ANKS1B: variants seen among roughly 807,000 people sequenced by gnomAD.
The protein encoded by ANKS1B is ankyrin repeat and sterile alpha motif domain containing 1B, also known as ankyrin repeat and sterile alpha motif domain-containing protein 1B.
Under a neutral mutation model 148.3 loss-of-function variants are expected in ANKS1B, and 36 were observed. The ratio of observed to expected loss-of-function variants is 0.24; its 90% confidence interval spans 0.19 to 0.32. ANKS1B has a LOEUF of 0.32. Among genes scored for constraint, ANKS1B ranks in the 10% least tolerant of loss-of-function variants. The pLI is 1.00. For synonymous variants in ANKS1B, 542 were observed against 560.8 expected, an observed-to-expected ratio of 0.97 and a Z score of 0.47; for missense variants, 1,157 against 1,542.6, an observed-to-expected ratio of 0.75 and a Z score of 4.19.
rs1293323964 is a variant in ANKS1B, at chr12:98,771,535, G to GCA, written c.3579+1506_3579+1507insTG. Among the ~76,000 whole-genome samples, 9 of 152,198 alleles carry GCA rather than the reference G, an allele frequency of 5.9e-5. No individual in the cohort carries two copies. The East Asian group carries it at 1.7e-3, about 29-fold the overall frequency. On this transcript the variant is annotated intron_variant, in intron 25 of 26. Transcript: ENST00000683438. The stretch of plus-strand genomic sequence containing the variant: ...GTCACCTGGGCTAGATGGCAGTGGT[G>GCA]TGATCACAGCTTACTGCAGCCTCGA...
chr12:99,436,500 T>G (rs1287206648), intron 11 of ANKS1B, among the ~76,000 whole-genome samples: 1 of 152,068 alleles, frequency 6.6e-6, no homozygotes, highest in Non-Finnish European at 1.5e-5. Flanking sequence ...TACAATATTC[T>G]GTACTCTTTC....
intron 15 of ANKS1B, among the ~76,000 whole-genome samples, chr12:99,090,593 C>T (rs1223405916): frequency 6.6e-6 from 1 of 152,102 alleles, no homozygotes; most frequent in Non-Finnish European, 1.5e-5. Flanking sequence ...CAAACTTACA[C>T]ATAGAAAAAC....
At chr12:98,808,719 A>C (rs1317840200) in intron 19 of ANKS1B, among the ~76,000 whole-genome samples, 1 of 152,212 alleles carries the variant, frequency 6.6e-6, no homozygotes, top group Non-Finnish European at 1.5e-5. Context: ...GTTACAGTAG[A>C]AACCTTCAAA....
intron 1 of ANKS1B, among the ~76,000 whole-genome samples, chr12:99,895,976 C>A (rs963010272): frequency 2.7e-5 from 4 of 150,732 alleles, no homozygotes; most frequent in African/African-American, 9.7e-5. Context: ...TTAATTGTAT[C>A]TCTTTAAGGT....
Position 99,158,101 on chromosome 12 carries a change from A to G in ANKS1B, c.2420-3706T>C, listed in dbSNP as rs539645531. Among the ~76,000 whole-genome samples the G allele has an allele frequency of 2.6e-5, 4 of 152,290 alleles. No homozygotes were observed. The East Asian group carries it at 7.7e-4, about 29-fold the overall frequency. On this transcript the variant is annotated intron_variant, in intron 14 of 26. Transcript: ENST00000683438. Reference sequence around the variant, plus strand: ...AAGAAGGAAAAAAAAGAAGACCCTGAGTCATGTTGTTTGTTTGCGGTTTTG... The same window carrying G: ...AAGAAGGAAAAAAAAGAAGACCCTGGGTCATGTTGTTTGTTTGCGGTTTTG...
chr12:99,392,790 T>TTTTAAAAGTATTCTGATAAGCATA (rs1340211838), intron 12 of ANKS1B, among the ~76,000 whole-genome samples: 1 of 152,166 alleles, frequency 6.6e-6, no homozygotes, highest in Non-Finnish European at 1.5e-5. Context: ...AAACGGATAC[T>TTTTAAAAGTATTCTGATAAGCATA]CTTTACTTCT....
At chr12:99,673,361 A>C (rs907426176) in intron 8 of ANKS1B, among the ~76,000 whole-genome samples, 2 of 152,094 alleles carry the variant, frequency 1.3e-5, no homozygotes, top group Non-Finnish European at 2.9e-5. Flanking sequence ...CAAATAATAG[A>C]AACTGACTCT....
chr12:98,841,437 A>T (rs1407555244), intron 17 of ANKS1B, among the ~76,000 whole-genome samples: 2 of 152,168 alleles, frequency 1.3e-5, no homozygotes, highest in African/African-American at 4.8e-5. Flanking sequence ...CTTTAATGGC[A>T]TATAACACCC....
intron 9 of ANKS1B, among the ~76,000 whole-genome samples, chr12:99,511,322 TAA>T (rs1300598964): frequency 6.6e-6 from 1 of 151,932 alleles, no homozygotes; most frequent in Non-Finnish European, 1.5e-5. Context: ...CAACTGCTAC[TAA>T]GAGAGCAAAA....
At chr12:99,858,639 C>T (rs578132971) in intron 1 of ANKS1B, among the ~76,000 whole-genome samples, 10 of 152,142 alleles carry the variant, frequency 6.6e-5, no homozygotes, top group Non-Finnish European at 1.2e-4. Context: ...GCCCATCAGT[C>T]AACAAGTGGA....
chr12:99,661,350 T>C (rs2098476626), intron 8 of ANKS1B, among the ~76,000 whole-genome samples: 1 of 152,176 alleles, frequency 6.6e-6, no homozygotes, highest in African/African-American at 2.4e-5. Flanking sequence ...CACTTACATG[T>C]AGACATACAG....
chr12:98,854,904 A>G (rs1320363868), intron 17 of ANKS1B, among the ~76,000 whole-genome samples: 1 of 152,200 alleles, frequency 6.6e-6, no homozygotes, highest in Non-Finnish European at 1.5e-5. Flanking sequence ...TCACGCCTGT[A>G]ATCCCAGCAC....
At chr12:99,512,735 G>T (rs544566434) in intron 9 of ANKS1B, among the ~76,000 whole-genome samples, 3 of 152,068 alleles carry the variant, frequency 2.0e-5, no homozygotes, top group Non-Finnish European at 4.4e-5. Flanking sequence ...AAGGGAATGA[G>T]ATCATGTCCT....
chr12:99,000,558 C>T (rs949810374), intron 17 of ANKS1B, among the ~76,000 whole-genome samples: 9 of 152,016 alleles, frequency 5.9e-5, no homozygotes, highest in African/African-American at 9.7e-5. Context: ...CATGAGCCAC[C>T]GTGCTCGGCC....
chr12:99,075,933 T>C (rs2047734177), intron 16 of ANKS1B, among the ~76,000 whole-genome samples: 1 of 150,146 alleles, frequency 6.7e-6, no homozygotes, highest in South Asian at 2.1e-4. Flanking sequence ...ATGTTAATGT[T>C]ATACAATATA....
At chr12:99,154,654 C>T in intron 14 of ANKS1B, 1 of 1,441,172 alleles carries the variant, frequency 6.9e-7, no homozygotes, top group East Asian at 2.5e-5. Context: ...TACTACCGAC[C>T]AGTACGTCAT....
chr12:99,247,010 C>T, intron 12 of ANKS1B, 146 bp from the exon 13 acceptor site: 2 of 657,614 alleles, frequency 3.0e-6, no homozygotes, highest in African/African-American at 1.8e-5. Context: ...ATACCCCTGA[C>T]CCCACAGTGC....
intron 17 of ANKS1B, among the ~76,000 whole-genome samples, chr12:98,849,556 T>TA (rs1048595405): frequency 1.3e-5 from 2 of 152,180 alleles, no homozygotes; most frequent in African/African-American, 2.4e-5. Flanking sequence ...TTTTGTTTCC[T>TA]AAAAAAAGAC....
intron 8 of ANKS1B, among the ~76,000 whole-genome samples, chr12:99,703,454 C>T (rs2055198107): frequency 6.6e-6 from 1 of 152,124 alleles, no homozygotes; most frequent in Non-Finnish European, 1.5e-5. Flanking sequence ...GACTGAAACC[C>T]ACCATGTGTT....
Sources: gnomAD v4.1 joint callset for allele counts (sites outside exome capture counted in the v4.1 genomes callset) on GRCh38, gnomAD v4.1.1 for gene constraint, MANE v1.5 for transcripts, NCBI Gene and HGNC (gene_info 2026-07-23, HGNC 2026-07-21) for gene names.